SAMD3: variants seen among roughly 807,000 people sequenced by gnomAD.
SAMD3 encodes sterile alpha motif domain-containing protein 3.
In SAMD3, 63 loss-of-function variants were observed where a neutral mutation model predicts 58.5. That is an observed-to-expected ratio of 1.08 (90% CI 0.88 to 1.33). The LOEUF is 1.33. Ranked by LOEUF, SAMD3 falls within the 40% of genes most tolerant of loss-of-function variation. SAMD3 has a pLI of 0.00. For missense variants in SAMD3, 604 were observed against 608.4 expected, an observed-to-expected ratio of 0.99 and a Z score of 0.08; for synonymous variants, 220 against 210.3, an observed-to-expected ratio of 1.05 and a Z score of -0.40.
At chr6:130,203,098 T>C (rs923470125) in intron 5 of SAMD3, among the ~76,000 whole-genome samples, 1 of 152,194 alleles carries the variant, frequency 6.6e-6, no homozygotes, top group African/African-American at 2.4e-5. Context: ...CCCTGAGTCC[T>C]GGGAAGGCTT....
chr6:130,254,664 C>A (rs1773866570), intron 2 of SAMD3, among the ~76,000 whole-genome samples: 1 of 151,960 alleles, frequency 6.6e-6, no homozygotes, highest in Non-Finnish European at 1.5e-5. Flanking sequence ...GATTTTTCCT[C>A]CTTATACATA....
At chr6:130,211,947 A>C (rs1216599415) in intron 4 of SAMD3, among the ~76,000 whole-genome samples, 1 of 150,366 alleles carries the variant, frequency 6.7e-6, no homozygotes, top group Non-Finnish European at 1.5e-5. Context: ...GAACGGACCT[A>C]AAGTATCACT....
chr6:130,215,122 A>G (rs1795921131), intron 3 of SAMD3, 73 bp downstream of exon 3: 2 of 792,454 alleles, frequency 2.5e-6, no homozygotes, highest in Admixed American at 4.4e-5. Flanking sequence ...AACAAAAGTA[A>G]TTTTCAGTAA....
chr6:130,145,546 A>G (rs1441285627), intron 10 of SAMD3, 124 bp from the exon 11 acceptor site: 1 of 591,630 alleles, frequency 1.7e-6, no homozygotes, highest in Non-Finnish European at 3.0e-6. Flanking sequence ...GCCTTCTTAG[A>G]TCAATGTTTC....
At chr6:130,348,097 C>T (rs911079599) in intron 1 of SAMD3, among the ~76,000 whole-genome samples, 1 of 152,094 alleles carries the variant, frequency 6.6e-6, no homozygotes, top group Non-Finnish European at 1.5e-5. Flanking sequence ...TGGAAAGGAA[C>T]AACCGGTACC....
chr6:130,278,535 T>A (rs1774865009), intron 2 of SAMD3, among the ~76,000 whole-genome samples: 1 of 152,164 alleles, frequency 6.6e-6, no homozygotes, highest in Non-Finnish European at 1.5e-5. Flanking sequence ...TTTCTATTCT[T>A]CAGAGTTGTT....
At chr6:130,344,889 A>AC (rs1488429299) in intron 1 of SAMD3, among the ~76,000 whole-genome samples, 1 of 151,820 alleles carries the variant, frequency 6.6e-6, no homozygotes, top group Non-Finnish European at 1.5e-5. Context: ...TGGCCTAAAA[A>AC]AATTTCCTTT....
chr6:130,144,837 C>G, intron 11 of SAMD3, 33 bp from the exon 12 acceptor site: 2 of 1,556,478 alleles, frequency 1.3e-6, no homozygotes, highest in Non-Finnish European at 8.7e-7. Context: ...TACCATGATA[C>G]GTAAAATAGC....
intron 5 of SAMD3, among the ~76,000 whole-genome samples, chr6:130,188,828 T>C (rs1012447438): frequency 6.6e-5 from 10 of 152,204 alleles, no homozygotes; most frequent in African/African-American, 2.4e-4. Context: ...CTCTGACAAC[T>C]TGTTTATTTG....
At chr6:130,289,561 A>G (rs1311156962) in intron 2 of SAMD3, among the ~76,000 whole-genome samples, 1 of 152,164 alleles carries the variant, frequency 6.6e-6, no homozygotes, top group Non-Finnish European at 1.5e-5. Context: ...GTGCAGTGGC[A>G]CGATCTCGGC....
upstream of SAMD3, among the ~76,000 whole-genome samples, chr6:130,223,552 G>T (rs577730865): frequency 5.6e-4 from 85 of 152,306 alleles, no homozygotes; most frequent in African/African-American, 2.0e-3. Flanking sequence ...GTCAAGCTGG[G>T]CTCTCTTGAT....
chr6:130,243,400 C>T (rs180763927), intron 2 of SAMD3, among the ~76,000 whole-genome samples: 97 of 152,200 alleles, frequency 6.4e-4, no homozygotes, highest in African/African-American at 2.3e-3. Flanking sequence ...GGCTCACCAC[C>T]CCTTTGCTAA....
At position 130,184,227 on chromosome 6, in the gene SAMD3, A is replaced by G. The variant is rs144386229; in HGVS notation, c.570-40T>C. 1.7e-4 allele frequency: 259 copies of G among 1,508,506 alleles called. 1 individual carries two copies. In the East Asian group the frequency reaches 5.8e-3, roughly 34 times the overall value. 93.4% of individuals were successfully genotyped at this position (1,508,506 alleles called of 1,614,324 possible). ...AAGGAGGATATGTTTCACTTCAAGC[A>G]AACCACATTCCTTCCTTTAAGATGA... On this transcript the variant is annotated intron_variant, in intron 6 of 11. Transcript: ENST00000439090.
chr6:130,260,486 A>G (rs6932655), intron 2 of SAMD3, among the ~76,000 whole-genome samples: 74,695 of 152,100 alleles, frequency 0.49, 22,259 homozygotes, highest in African/African-American at 0.84. Flanking sequence ...AAAAGGGACA[A>G]GAATTGCTCA....
chr6:130,312,359 A>G (rs1464026873), intron 2 of SAMD3, among the ~76,000 whole-genome samples: 1 of 152,232 alleles, frequency 6.6e-6, no homozygotes, highest in African/African-American at 2.4e-5. Context: ...AAAGGAAAGT[A>G]ATGCATTGAT....
intron 3 of SAMD3, among the ~76,000 whole-genome samples, chr6:130,214,959 C>G (rs1795903666): frequency 6.6e-6 from 1 of 152,096 alleles, no homozygotes; most frequent in African/African-American, 2.4e-5. Context: ...TTTTAAGTGA[C>G]CCGTAAGACT....
At chr6:130,271,658 G>A (rs1346948390) in intron 2 of SAMD3, among the ~76,000 whole-genome samples, 3 of 152,026 alleles carry the variant, frequency 2.0e-5, no homozygotes, top group Non-Finnish European at 4.4e-5. Flanking sequence ...TTTTACATAG[G>A]CAAATATATC....
chr6:130,176,829 G>T (rs1427941964), intron 7 of SAMD3, among the ~76,000 whole-genome samples: 2 of 152,168 alleles, frequency 1.3e-5, no homozygotes, highest in East Asian at 3.8e-4. Flanking sequence ...GAGAGCTGGT[G>T]CCCCTTAGAG....
intron 5 of SAMD3, among the ~76,000 whole-genome samples, chr6:130,199,307 G>A (rs907520087): frequency 5.3e-5 from 8 of 152,138 alleles, no homozygotes; most frequent in Admixed American, 3.3e-4. Flanking sequence ...CTACATCCAA[G>A]CCTGCAGACT....
Sources: gnomAD v4.1 joint callset for allele counts (sites outside exome capture counted in the v4.1 genomes callset) on GRCh38, gnomAD v4.1.1 for gene constraint, MANE v1.5 for transcripts, NCBI Gene and HGNC (gene_info 2026-07-23, HGNC 2026-07-21) for gene names.